Variants in CATSPERG observed in about 807,000 individuals in gnomAD.
The protein encoded by CATSPERG is cation channel sperm-associated auxiliary subunit gamma.
A neutral mutation model predicts 145.0 loss-of-function variants in CATSPERG; 115 were observed. The observed-to-expected ratio is 0.79, with a 90% CI of 0.68 to 0.93. The LOEUF (loss-of-function observed/expected upper bound fraction) is 0.93, where lower values mean the gene tolerates loss of function less well. Among genes scored for constraint, CATSPERG ranks in the 40% least tolerant of loss-of-function variants. The pLI is 0.00. For missense variants in CATSPERG, 1,296 were observed against 1,490.1 expected, an observed-to-expected ratio of 0.87 and a Z score of 2.14; for synonymous variants, 588 against 589.0, an observed-to-expected ratio of 1.00 and a Z score of 0.02.
At chr19:38,364,145 A>C in intron 20 of CATSPERG, among the ~76,000 whole-genome samples, 1 of 149,164 alleles carries the variant, frequency 6.7e-6, no homozygotes. Context: ...GCGGGGGCTG[A>C]CCCCCACCTC....
chr19:38,368,885 A>G (rs1194124460), intron 26 of CATSPERG, among the ~76,000 whole-genome samples: 1 of 144,592 alleles, frequency 6.9e-6, no homozygotes, highest in African/African-American at 2.6e-5. Flanking sequence ...CTGATCTTGA[A>G]CTCCTGACCT....
Position 38,367,674 on chromosome 19 carries a change from C to T in CATSPERG, c.2835-7C>T. 2 of 1,614,082 alleles carry T rather than the reference C, an allele frequency of 1.2e-6. No homozygotes were observed. The highest frequency in any genetic ancestry group is 8.5e-7 in the Non-Finnish European group (1 of 1,179,980). On this transcript the variant is annotated splice_polypyrimidine_tract_variant and splice_region_variant and intron_variant, in intron 24 of 28. Transcript: ENST00000409235. ...GGCCAGTCTGTGTGCACTTCTGTCC[C>T]TGGTAGCTATGTTCTGCTGGTGGTG...
chr19:38,337,115 GT>G (rs1969853765), intron 1 of CATSPERG, 105 bp from the exon 2 acceptor site: 1 of 1,356,904 alleles, frequency 7.4e-7, no homozygotes, highest in South Asian at 1.4e-5. Context: ...GAGCCGGGGC[GT>G]GGCCAGGAGC....
intron 19 of CATSPERG, 65 bp downstream of exon 19, chr19:38,362,639 G>T: frequency 1.2e-6 from 2 of 1,607,262 alleles, no homozygotes; most frequent in South Asian, 1.1e-5. Context: ...TGGGAGCCTG[G>T]GGGGCGGGGA....
intron 3 of CATSPERG, among the ~76,000 whole-genome samples, chr19:38,340,728 TC>T (rs1969923969): frequency 1.3e-5 from 2 of 152,184 alleles, no homozygotes; most frequent in South Asian, 4.1e-4. Flanking sequence ...GAAGTGATCC[TC>T]CTGCCTCAGC....
In CATSPERG at chr19:38,360,570, C is replaced by A; in HGVS notation, c.1690C>A (p.Leu564Met). Residue 564 changes from leucine (L) to methionine (M), a missense_variant, in exon 15 of 29, where the codon CTG becomes ATG. Physicochemically the swap from Leu to Met is conservative, Grantham distance 15. Coordinates refer to ENST00000409235, the MANE Select transcript of CATSPERG (RefSeq NM_021185.5). ...KGWQVHISLKLMQQSSLYASN... is the reference protein window; with the variant it reads ...KGWQVHISLKMMQQSSLYASN... ...CTGGCAGGTGCACATCAGCTTAAAG[C>A]TGATGCAACAGTCCTCTCTCTACGC... 6.2e-7 allele frequency: 1 copy of A among 1,614,218 alleles called. No individual in the cohort carries two copies. Among genetic ancestry groups the A allele is most frequent in the African/African-American group, 1.3e-5 (1 of 75,058 alleles).
At position 38,344,128 on chromosome 19, in the gene CATSPERG, T is replaced by C; in HGVS notation, c.596+9T>C. On this transcript the variant is annotated intron_variant, in intron 5 of 28. Transcript: ENST00000409235. ...TTCATTCCAGATAAAAGGTACCCTT[T>C]CCCAAGACGGGGGCTGGGGTGGACT... 6.4e-7 allele frequency: 1 copy of C among 1,551,524 alleles called. No homozygotes were observed. Among genetic ancestry groups the C allele is most frequent in the Non-Finnish European group, 8.7e-7 (1 of 1,146,930 alleles).
chr19:38,362,736 C>T lies in CATSPERG; in HGVS notation c.2379C>T (p.Ser793=). Residue 793 remains serine, a synonymous_variant, in exon 20 of 29, where the codon AGC becomes AGT. Transcript: ENST00000409235. Reference sequence around the variant, plus strand: ...CAGGCACCGCCTTCCAGCTGCATAGCCAGGTGGACGTGGGCGTGGTGCTGG... The same window carrying T: ...CAGGCACCGCCTTCCAGCTGCATAGTCAGGTGGACGTGGGCGTGGTGCTGG... ...SELGTAFQLH[S]QVDVGVVLAD... is the part of the protein sequence containing the mutation. 2 of 1,614,146 alleles carry T rather than the reference C, an allele frequency of 1.2e-6. No individual in the cohort carries two copies. The highest frequency in any genetic ancestry group is 1.7e-6 in the Non-Finnish European group (2 of 1,179,990).
chr19:38,352,154 A>G (rs563829005), intron 7 of CATSPERG, 107 bp from the exon 8 acceptor site: 5 of 1,141,064 alleles, frequency 4.4e-6, no homozygotes, highest in Non-Finnish European at 6.2e-6. Flanking sequence ...GGGCAGCTAC[A>G]TGTGTCCCTC....
chr19:38,369,734 G>C, intron 26 of CATSPERG: 1 of 567,972 alleles, frequency 1.8e-6, no homozygotes, highest in Non-Finnish European at 3.2e-6. Flanking sequence ...GATGCACAGT[G>C]ACAGAGGAAT....
Position 38,367,208 on chromosome 19 carries a change from C to CCTTCGA in CATSPERG, c.2668_2673dup (p.Phe890_Asp891dup). The CCTTCGA allele has an allele frequency of 6.2e-7, 1 of 1,613,944 alleles. No individual in the cohort carries two copies. The highest frequency in any genetic ancestry group is 8.5e-7 in the Non-Finnish European group (1 of 1,179,986). Reference sequence around the variant, plus strand: ...GGCTGCCCCCCAGGCAAGCGCCTGGCCTTCGACATCACCTACACGCTGGAA... The same window carrying CCTTCGA: ...GGCTGCCCCCCAGGCAAGCGCCTGGCCTTCGACTTCGACATCACCTACACGCTGGAA... On this transcript the variant is annotated inframe_insertion, in exon 23 of 29. Coordinates refer to ENST00000409235, the MANE Select transcript of CATSPERG (RefSeq NM_021185.5).
intron 3 of CATSPERG, among the ~76,000 whole-genome samples, chr19:38,338,645 C>G (rs1969885188): frequency 2.0e-5 from 3 of 152,150 alleles, no homozygotes; most frequent in Non-Finnish European, 4.4e-5. Flanking sequence ...GCATCAGCCT[C>G]TTGAATAGCT....
At chr19:38,341,422 C>T (rs1969936406) in intron 3 of CATSPERG, among the ~76,000 whole-genome samples, 1 of 152,146 alleles carries the variant, frequency 6.6e-6, no homozygotes, top group East Asian at 1.9e-4. Flanking sequence ...TTCTCCTCTG[C>T]AATGGGAACT....
In CATSPERG at chr19:38,344,580, G is replaced by A. The variant is rs1969995548; in HGVS notation, c.669+212G>A. 2.6e-5 allele frequency among the ~76,000 whole-genome samples: 4 copies of A among 151,998 alleles called. No individual in the cohort carries two copies. In the South Asian group the frequency reaches 8.3e-4, roughly 32 times the overall value. On this transcript the variant is annotated intron_variant, in intron 6 of 28. Coordinates refer to ENST00000409235, the MANE Select transcript of CATSPERG (RefSeq NM_021185.5). ...GAGGAGAAAACTGAGGTCCCAAAGG[G>A]ATGGAACCATTTTCCCATAGTCCCT...
chr19:38,338,976 C>T (rs117132631), intron 3 of CATSPERG, among the ~76,000 whole-genome samples: 9,165 of 151,830 alleles, frequency 0.06, 493 homozygotes, highest in East Asian at 0.29. Flanking sequence ...CGAAGTCCGG[C>T]GGAGTCAAAG....
chr19:38,359,594 G>GCC lies in CATSPERG; in HGVS notation c.1608+16_1608+17dup, dbSNP rs1970308368. Reference sequence around the variant, plus strand: ...AGAGACGGAGGAGGTGGGCTGCCCCGCCCCTCTCCCCGTTCCCTCTCTGCC... The same window carrying GCC: ...AGAGACGGAGGAGGTGGGCTGCCCCGCCCCCCTCTCCCCGTTCCCTCTCTGCC... On this transcript the variant is annotated intron_variant, in intron 14 of 28. Transcript: ENST00000409235. 2 of 1,585,368 alleles carry GCC rather than the reference G, an allele frequency of 1.3e-6. No homozygotes were observed. The highest frequency in any genetic ancestry group is 1.3e-5 in the African/African-American group (1 of 74,082).
intron 8 of CATSPERG, among the ~76,000 whole-genome samples, chr19:38,353,027 CAAAAAAAAAAAA>C (rs61080753): frequency 4.9e-5 from 3 of 61,568 alleles, no homozygotes; most frequent in East Asian, 4.1e-4. Context: ...GACCCTGTTT[CAAAAAAAAAAAA>C]AAAAAAAAAA....
intron 8 of CATSPERG, among the ~76,000 whole-genome samples, chr19:38,353,990 C>CAAAAAA (rs965226814): frequency 1.3e-4 from 4 of 30,586 alleles, no homozygotes; most frequent in Non-Finnish European, 1.8e-4. Flanking sequence ...GACTCTGTCT[C>CAAAAAA]AAAAAAAAAA....
At chr19:38,349,370 C>CA (rs1384876444) in intron 7 of CATSPERG, 1 of 151,794 alleles carries the variant, frequency 6.6e-6, no homozygotes, top group Non-Finnish European at 1.5e-5. Flanking sequence ...GACCTCAAGC[C>CA]ATCCTCCTGC....
Sources: allele counts gnomAD v4.1 joint callset (sites outside exome capture counted in the v4.1 genomes callset), GRCh38; gene constraint gnomAD v4.1.1; transcripts MANE v1.5; gene names NCBI Gene and HGNC (gene_info 2026-07-23, HGNC 2026-07-21).